CA10: variants seen among roughly 807,000 people sequenced by gnomAD.
The protein encoded by CA10 is carbonic anhydrase 10 (inactive), also known as carbonic anhydrase-related protein 10.
CA10 carries 14 observed loss-of-function variants against 44.2 expected under a neutral mutation model. That is an observed-to-expected ratio of 0.32 (90% confidence interval 0.21 to 0.50). The LOEUF (loss-of-function observed/expected upper bound fraction) is 0.50, where lower values mean the gene tolerates loss of function less well. Ranked by LOEUF, CA10 falls within the 20% of genes least tolerant of loss-of-function variation. CA10 has a pLI of 0.99. For missense variants in CA10, 350 were observed against 409.7 expected (o/e 0.85, Z 1.26); for synonymous variants, 159 against 141.6 (o/e 1.12, Z -0.87).
At chr17:51,754,298 G>C (rs1321227430) in intron 3 of CA10, among the ~76,000 whole-genome samples, 1 of 57,612 alleles carries the variant, frequency 1.7e-5, no homozygotes, top group African/African-American at 3.7e-5. Context: ...GTGTGTGTGT[G>C]TGTGTGTGTG....
At chr17:51,774,032 C>G (rs1225557520) in intron 3 of CA10, among the ~76,000 whole-genome samples, 1 of 152,136 alleles carries the variant, frequency 6.6e-6, no homozygotes, top group Non-Finnish European at 1.5e-5. Flanking sequence ...AGGAGAAGGG[C>G]CTCTGCTTCT....
chr17:51,783,163 T>C (rs1022072259), intron 3 of CA10, among the ~76,000 whole-genome samples: 5 of 152,202 alleles, frequency 3.3e-5, no homozygotes, highest in African/African-American at 7.2e-5. Flanking sequence ...TTTTTTTCTT[T>C]CCTTCCCATA....
intron 1 of CA10, among the ~76,000 whole-genome samples, chr17:52,156,405 A>G (rs1989804688): frequency 6.6e-6 from 1 of 152,230 alleles, no homozygotes; most frequent in Admixed American, 6.5e-5. Context: ...TACACAACAC[A>G]TCTCACTGAT....
At chr17:52,153,396 C>A (rs748936012) in intron 1 of CA10, among the ~76,000 whole-genome samples, 49 of 152,226 alleles carry the variant, frequency 3.2e-4, no homozygotes, top group Non-Finnish European at 5.9e-4. Context: ...TGTTGAGGCA[C>A]TTTAAAGTTG....
At chr17:51,883,766 A>T (rs574494546) in intron 3 of CA10, among the ~76,000 whole-genome samples, 84 of 152,242 alleles carry the variant, frequency 5.5e-4, no homozygotes, top group African/African-American at 2.0e-3. Context: ...ACATGATTTC[A>T]TTAGCCATGG....
At chr17:52,072,292 T>A (rs1192753940) in intron 2 of CA10, 27 bp downstream of exon 2, 1 of 1,462,996 alleles carries the variant, frequency 6.8e-7, no homozygotes, top group Admixed American at 1.8e-5. Flanking sequence ...TTTTAATAAA[T>A]AAATTAAAGA....
At chr17:52,154,568 A>T (rs1193464424) in intron 1 of CA10, among the ~76,000 whole-genome samples, 1 of 152,056 alleles carries the variant, frequency 6.6e-6, no homozygotes, top group Non-Finnish European at 1.5e-5. Flanking sequence ...GTAGGAAGGG[A>T]ATGGTGCTCT....
At chr17:51,669,240 G>C (rs1348323980) in intron 4 of CA10, among the ~76,000 whole-genome samples, 5 of 152,194 alleles carry the variant, frequency 3.3e-5, no homozygotes, top group Non-Finnish European at 7.4e-5. Context: ...TTTATGTCTA[G>C]CTGGAGGATT....
At chr17:51,934,029 C>T (rs146664957) in intron 2 of CA10, among the ~76,000 whole-genome samples, 4 of 152,196 alleles carry the variant, frequency 2.6e-5, no homozygotes, top group Non-Finnish European at 5.9e-5. Flanking sequence ...TCAAAGCCTG[C>T]GTCTCTGATG....
At chr17:51,874,093 T>C (rs890807569) in intron 3 of CA10, among the ~76,000 whole-genome samples, 2 of 152,208 alleles carry the variant, frequency 1.3e-5, no homozygotes, top group African/African-American at 4.8e-5. Flanking sequence ...ATGACTTGTT[T>C]TATGAACTTC....
chr17:52,139,077 T>C (rs931115098), intron 1 of CA10, among the ~76,000 whole-genome samples: 2 of 152,228 alleles, frequency 1.3e-5, no homozygotes, highest in Non-Finnish European at 2.9e-5. Flanking sequence ...TAAATTGCGC[T>C]GTTCTTTATA....
rs534872398 is a variant in CA10, at chr17:51,919,040, T to A, written c.279+11950A>T. Among the ~76,000 whole-genome samples the A allele has an allele frequency of 1.2e-4, 18 of 152,282 alleles. No homozygotes were observed. In the South Asian group the frequency reaches 2.7e-3, roughly 23 times the overall value. ...CCTCAAATTGCATTATTTATTCCAGTTTTTCAGTTTTAATTTGGTTCTTTT... is the reference window on the plus strand; with the variant it reads ...CCTCAAATTGCATTATTTATTCCAGATTTTCAGTTTTAATTTGGTTCTTTT... On this transcript the variant is annotated intron_variant, in intron 3 of 8. Coordinates refer to ENST00000451037, the MANE Select transcript of CA10 (RefSeq NM_020178.5).
chr17:51,951,896 A>G (rs1983498321), intron 2 of CA10, among the ~76,000 whole-genome samples: 1 of 152,140 alleles, frequency 6.6e-6, no homozygotes, highest in Non-Finnish European at 1.5e-5. Flanking sequence ...TACACACAAT[A>G]ACTTCTATGT....
chr17:52,090,542 CTAATTGTAACAAAAATTATTATATTTG>C (rs1180257641), intron 1 of CA10, among the ~76,000 whole-genome samples: 2 of 151,960 alleles, frequency 1.3e-5, no homozygotes, highest in Non-Finnish European at 2.9e-5. Context: ...AGAAAATTGG[CTAATTGTAACAAAAATTATTATATTTG>C]TCATAATATA....
chr17:52,052,921 A>ATG (rs1370777869), intron 2 of CA10, among the ~76,000 whole-genome samples: 10 of 151,844 alleles, frequency 6.6e-5, no homozygotes, highest in South Asian at 4.2e-4. Flanking sequence ...GTGTATGAGT[A>ATG]TGTGTGTGTG....
chr17:51,892,762 T>G (rs761185527), intron 3 of CA10, among the ~76,000 whole-genome samples: 24 of 152,150 alleles, frequency 1.6e-4, no homozygotes, highest in Non-Finnish European at 3.5e-4. Context: ...GTTCCTCCAT[T>G]TTATACTCCT....
rs905532176 is a variant in CA10, at chr17:51,879,697, A to G, written c.279+51293T>C. Among the ~76,000 whole-genome samples, 5 of 152,232 alleles carry G rather than the reference A, an allele frequency of 3.3e-5. No homozygotes were observed. In the East Asian group the frequency reaches 9.6e-4, roughly 29 times the overall value. Reference sequence around the variant, plus strand: ...AGCTGACCAATGAAAAGCTCACTGCAGAGAGGTCATTGCTCCCAACAGAAT... The same window carrying G: ...AGCTGACCAATGAAAAGCTCACTGCGGAGAGGTCATTGCTCCCAACAGAAT... On this transcript the variant is annotated intron_variant, in intron 3 of 8. Coordinates refer to ENST00000451037, the MANE Select transcript of CA10 (RefSeq NM_020178.5).
intron 1 of CA10, among the ~76,000 whole-genome samples, chr17:52,116,561 C>G (rs543328332): frequency 6.6e-6 from 1 of 152,028 alleles, no homozygotes; most frequent in Non-Finnish European, 1.5e-5. Flanking sequence ...CACTGGGATT[C>G]GGGAATAAAA....
intron 1 of CA10, among the ~76,000 whole-genome samples, chr17:52,148,800 T>G (rs1989643367): frequency 6.6e-6 from 1 of 152,230 alleles, no homozygotes; most frequent in African/African-American, 2.4e-5. Context: ...ACACACATTT[T>G]ATAGGGCAAA....
Sources: gnomAD v4.1 joint callset for allele counts (sites outside exome capture counted in the v4.1 genomes callset) on GRCh38, gnomAD v4.1.1 for gene constraint, MANE v1.5 for transcripts, NCBI Gene and HGNC (gene_info 2026-07-23, HGNC 2026-07-21) for gene names.